CIMIP2A: variants seen among roughly 807,000 people sequenced by gnomAD.
CIMIP2A encodes family with sequence similarity 166 member A.
chr9:137,245,546 A>C, the CIMIP2A span: 4 of 1,613,614 alleles, frequency 2.5e-6, no homozygotes, highest in South Asian at 1.1e-5. Context: ...AAGTTCTTAG[A>C]GGGCTTCAGA....
the CIMIP2A span, chr9:137,252,018 C>T: frequency 6.2e-7 from 1 of 1,612,220 alleles, no homozygotes; most frequent in Non-Finnish European, 8.5e-7. Context: ...GCAACGCCCC[C>T]TGATCACAGC....
At chr9:137,251,872 A>G in the CIMIP2A span, 60 of 1,608,796 alleles carry the variant, frequency 3.7e-5, 1 homozygote, top group South Asian at 6.1e-4. Context: ...CTGCCCACCT[A>G]CACCCAGACC....
the CIMIP2A span, chr9:137,245,047 G>A: frequency 3.0e-5 from 48 of 1,610,064 alleles, no homozygotes; most frequent in East Asian, 6.2e-4. Context: ...AACCTTGTGG[G>A]GAGGGGCGGC....
chr9:137,254,319 G>A, the CIMIP2A span, among the ~76,000 whole-genome samples: 4 of 152,310 alleles, frequency 2.6e-5, no homozygotes, highest in East Asian at 5.8e-4. Flanking sequence ...TGGAACCCTC[G>A]CCCTAGGGCT....
chr9:137,249,473 G>A, the CIMIP2A span, among the ~76,000 whole-genome samples: 1 of 152,190 alleles, frequency 6.6e-6, no homozygotes, highest in Non-Finnish European at 1.5e-5. Flanking sequence ...CCTTGGTAGG[G>A]CCTTTTGTTA....
At chr9:137,245,688 C>T in the CIMIP2A span, 12 of 1,604,878 alleles carry the variant, frequency 7.5e-6, no homozygotes, top group Middle Eastern at 3.3e-4. Context: ...AGGGAACCCT[C>T]GGGGGCTTGG....
chr9:137,243,725 C>T, the CIMIP2A span: 6 of 1,614,132 alleles, frequency 3.7e-6, no homozygotes, highest in East Asian at 6.7e-5. Context: ...TCGCTTTGCC[C>T]ATTCCTTCCA....
At chr9:137,254,791 G>A in the CIMIP2A span, among the ~76,000 whole-genome samples, 1 of 151,726 alleles carries the variant, frequency 6.6e-6, no homozygotes, top group Non-Finnish European at 1.5e-5. Flanking sequence ...CAGCCTCCCG[G>A]TGCCTGGGAG....
the CIMIP2A span, chr9:137,251,596 CTG>C: frequency 8.7e-7 from 1 of 1,143,300 alleles, no homozygotes; most frequent in Non-Finnish European, 1.2e-6. Context: ...CGGCCAGGGG[CTG>C]AGGGACAGTG....
chr9:137,253,558 G>A, the CIMIP2A span: 846 of 1,340,984 alleles, frequency 6.3e-4, 2 homozygotes, highest in African/African-American at 0.011. Context: ...GGTCATTTCC[G>A]GCTTTCCCTG....
chr9:137,251,095 G>A, the CIMIP2A span: 13 of 597,030 alleles, frequency 2.2e-5, no homozygotes, highest in Middle Eastern at 9.0e-4. Flanking sequence ...GGGGCAGGCT[G>A]GGGGTCCTGG....
At chr9:137,245,393 C>T in the CIMIP2A span, 2 of 1,613,586 alleles carry the variant, frequency 1.2e-6, no homozygotes, top group South Asian at 2.2e-5. Flanking sequence ...TCTCTGGAGT[C>T]TCCCTTCCTG....
the CIMIP2A span, chr9:137,244,795 C>G: frequency 6.3e-7 from 1 of 1,591,094 alleles, no homozygotes; most frequent in African/African-American, 1.3e-5. Context: ...CCTGGGCACA[C>G]CCACCTGCCC....
the CIMIP2A span, chr9:137,252,322 C>A: frequency 7.5e-7 from 1 of 1,327,488 alleles, no homozygotes; most frequent in South Asian, 1.3e-5. Context: ...CATGGGTGGA[C>A]ATTGTGAAGA....
chr9:137,251,853 C>G, the CIMIP2A span: 4 of 1,608,080 alleles, frequency 2.5e-6, no homozygotes, highest in Non-Finnish European at 3.4e-6. Context: ...GGGCACCCCC[C>G]AGGAGTCCCT....
the CIMIP2A span, chr9:137,251,194 G>A: frequency 2.1e-6 from 2 of 939,774 alleles, no homozygotes; most frequent in South Asian, 1.3e-5. Flanking sequence ...GCCAGACAAT[G>A]TGTCTTCCTC....
the CIMIP2A span, chr9:137,245,453 G>A: frequency 2.5e-6 from 4 of 1,613,936 alleles, no homozygotes; most frequent in South Asian, 1.1e-5. Context: ...CCTGCAGGCA[G>A]CAGAATCTGT....
At chr9:137,244,227 C>T in the CIMIP2A span, 13 of 1,613,774 alleles carry the variant, frequency 8.1e-6, no homozygotes, top group Admixed American at 1.7e-5. Context: ...GATGTGGTTG[C>T]TGGGCCAGTG....
At chr9:137,252,312 C>A in the CIMIP2A span, 11 of 1,304,514 alleles carry the variant, frequency 8.4e-6, no homozygotes, top group South Asian at 1.4e-5. Flanking sequence ...AGGGCTGGGG[C>A]ATGGGTGGAC....
Sources: gnomAD v4.1 joint callset for allele counts (sites outside exome capture counted in the v4.1 genomes callset) on GRCh38, gnomAD v4.1.1 for gene constraint, MANE v1.5 for transcripts, NCBI Gene and HGNC (gene_info 2026-07-23, HGNC 2026-07-21) for gene names.